Variants in WDR1 observed in about 807,000 individuals in gnomAD.
The protein encoded by WDR1 is WD repeat-containing protein 1.
WDR1 carries 21 observed loss-of-function variants against 71.9 expected under a neutral mutation model. The ratio of observed to expected loss-of-function variants is 0.29; its 90% CI spans 0.21 to 0.42. The LOEUF is 0.42. Ranked by LOEUF, WDR1 falls within the 10% of genes least tolerant of loss-of-function variation. The pLI, the probability that WDR1 is intolerant of heterozygous loss-of-function variation, is 1.00. For missense variants in WDR1, 696 were observed against 824.5 expected, an observed-to-expected ratio of 0.84 and a Z score of 1.91; for synonymous variants, 424 against 347.4, an observed-to-expected ratio of 1.22 and a Z score of -2.45.
chr4:10,091,759 C>T (rs1659723256), intron 5 of WDR1: 1 of 152,324 alleles, frequency 6.6e-6, no homozygotes, highest in Admixed American at 6.5e-5. Flanking sequence ...TGGGGTCCAC[C>T]TCCTATCTGT....
chr4:10,116,323 C>T (rs1218766351), intron 1 of WDR1, 89 bp from the exon 2 acceptor site: 2 of 1,573,610 alleles, frequency 1.3e-6, no homozygotes, highest in South Asian at 2.3e-5. Flanking sequence ...CCGGTCTCGG[C>T]CGGTCACCTG....
At chr4:10,089,764 G>A (rs962748889) in intron 5 of WDR1, among the ~76,000 whole-genome samples, 2 of 152,224 alleles carry the variant, frequency 1.3e-5, no homozygotes, top group African/African-American at 4.8e-5. Flanking sequence ...AAGCTGCCCC[G>A]CGCTCTAAGT....
chr4:10,108,003 G>A (rs1221766750), intron 2 of WDR1, among the ~76,000 whole-genome samples: 1 of 152,162 alleles, frequency 6.6e-6, no homozygotes, highest in Non-Finnish European at 1.5e-5. Context: ...ATCCTGCCCA[G>A]GAATAGCTGG....
At chr4:10,086,450 C>T (rs1176522721) in intron 8 of WDR1, among the ~76,000 whole-genome samples, 1 of 152,204 alleles carries the variant, frequency 6.6e-6, no homozygotes, top group Non-Finnish European at 1.5e-5. Flanking sequence ...GTGACCTGGT[C>T]CGTAGGAGTC....
intron 5 of WDR1, among the ~76,000 whole-genome samples, chr4:10,091,045 C>A (rs994971490): frequency 5.9e-5 from 9 of 152,206 alleles, no homozygotes; most frequent in African/African-American, 2.2e-4. Flanking sequence ...CCTTTGCCTG[C>A]CCCCCGCACC....
chr4:10,098,481 A>G (rs1712491301), intron 4 of WDR1, among the ~76,000 whole-genome samples: 1 of 152,180 alleles, frequency 6.6e-6, no homozygotes, highest in African/African-American at 2.4e-5. Context: ...AATTAAAAAA[A>G]CCTGGGTTTC....
intron 4 of WDR1, 53 bp downstream of exon 4, chr4:10,098,939 G>T: frequency 6.2e-7 from 1 of 1,610,120 alleles, no homozygotes; most frequent in Non-Finnish European, 8.5e-7. Context: ...CATAGCACAT[G>T]GACGCATGAG....
intron 14 of WDR1, chr4:10,076,970 T>G: frequency 3.4e-6 from 1 of 294,442 alleles, no homozygotes. Flanking sequence ...GAGGCTCACA[T>G]TATACACTGG....
At chr4:10,116,369 G>A in intron 1 of WDR1, 135 bp from the exon 2 acceptor site, 1 of 1,332,898 alleles carries the variant, frequency 7.5e-7, no homozygotes, top group East Asian at 2.4e-5. Flanking sequence ...CACTTTCCAC[G>A]AGCGCCAGGA....
Position 10,103,964 on chromosome 4 carries a change from T to C in WDR1, c.161A>G (p.Tyr54Cys), listed in dbSNP as rs373722200. ...NIDNPALADI[Y>C]TEHAHQVVVA... Reference sequence around the variant, plus strand: ...CACCACCTGATGGGCGTGCTCTGTGTAGATGTCAGCAAGGGCTGGGTTCTG... The same window carrying C: ...CACCACCTGATGGGCGTGCTCTGTGCAGATGTCAGCAAGGGCTGGGTTCTG... Residue 54 changes from tyrosine (Y) to cysteine (C), a missense_variant, in exon 3 of 15, where the codon TAC becomes TGC. By Grantham distance (194) the Tyr-to-Cys change is radical. Transcript: ENST00000499869. The C allele has an allele frequency of 6.2e-7, 1 of 1,602,024 alleles. No individual in the cohort carries two copies. Among genetic ancestry groups the C allele is most frequent in the African/African-American group, 1.3e-5 (1 of 74,678 alleles).
chr4:10,087,472 G>A (rs904040610), intron 8 of WDR1, among the ~76,000 whole-genome samples: 2 of 152,366 alleles, frequency 1.3e-5, no homozygotes, highest in Admixed American at 6.5e-5. Context: ...TGACTCTCCA[G>A]TTCTCACAGT....
chr4:10,087,559 C>T (rs1209979500), intron 8 of WDR1, 148 bp downstream of exon 8: 9 of 752,476 alleles, frequency 1.2e-5, no homozygotes, highest in East Asian at 2.8e-5. Flanking sequence ...GCATCCCAGC[C>T]TTCCACCAAA....
chr4:10,098,828 C>G (rs894621483), intron 4 of WDR1, among the ~76,000 whole-genome samples, 164 bp downstream of exon 4: 3 of 152,184 alleles, frequency 2.0e-5, no homozygotes, highest in Admixed American at 6.5e-5. Context: ...TCTACCTTAC[C>G]TGGGGCTGCA....
At chr4:10,093,118 G>C in intron 5 of WDR1, 2 of 1,289,426 alleles carry the variant, frequency 1.6e-6, no homozygotes, top group Non-Finnish European at 2.0e-6. Flanking sequence ...CAGAGCGACA[G>C]AGCGCTGCAG....
chr4:10,074,661 C>A lies in WDR1; in HGVS notation c.*717G>T, dbSNP rs1372381769. The A allele has an allele frequency of 6.6e-6, 1 of 152,574 alleles. No homozygotes were observed. Among genetic ancestry groups the A allele is most frequent in the African/African-American group, 2.4e-5 (1 of 41,430 alleles). The allele number at this position is 152,574 out of a possible 1,614,324, so 9.5% of individuals were successfully genotyped here. On this transcript the variant is annotated 3_prime_UTR_variant, in exon 15 of 15. Transcript: ENST00000499869. ...GAAACGGTGACCAGGACACCTCGGTCTGGCTAACAAGGGTTCTAAAAACTT... is the reference window on the plus strand; with the variant it reads ...GAAACGGTGACCAGGACACCTCGGTATGGCTAACAAGGGTTCTAAAAACTT...
At position 10,097,787 on chromosome 4, in the gene WDR1, C is replaced by A. The variant is rs371080262; in HGVS notation, c.482G>T (p.Arg161Leu). The change falls in exon 5 of 15, where the codon CGG becomes CTG. Residue 161 changes from arginine (R) to leucine (L), a missense_variant. Physicochemically the swap from Arg to Leu is moderately radical, Grantham distance 102 (BLOSUM62 -2). Transcript: ENST00000499869. ...GTTATCATCGCTTCCCGTGGCCAGC[C>A]GGTATGGCCGGCTCTGCTTGATGTC... The part of the protein sequence containing the change: ...SVDIKQSRPY[R>L]LATGSDDNCA... 6.2e-7 allele frequency: 1 copy of A among 1,613,778 alleles called. No individual in the cohort carries two copies. Among genetic ancestry groups the A allele is most frequent in the Non-Finnish European group, 8.5e-7 (1 of 1,179,824 alleles).
Position 10,099,157 on chromosome 4 carries a change from C to CGGGGGGG in WDR1, c.230-19_230-18insCCCCCCC. On this transcript the variant is annotated intron_variant, in intron 3 of 14. Transcript: ENST00000499869. ...AGACACATCTGTGGGGCACAGCGGGCGGGGGAGGGGGGGAGGCGGTGGTGG... is the reference window on the plus strand; with the variant it reads ...AGACACATCTGTGGGGCACAGCGGGCGGGGGGGGGGGGAGGGGGGGAGGCGGTGGTGG... 1 of 226,384 alleles carries CGGGGGGG rather than the reference C, an allele frequency of 4.4e-6. No homozygotes were observed. The highest frequency in any genetic ancestry group is 7.0e-5 in the Admixed American group (1 of 14,268). 14.0% of individuals were successfully genotyped at this position (226,384 alleles called of 1,614,324 possible). A position where few individuals can be genotyped will look rare whatever the true frequency, so the allele number is the denominator to read the frequency against.
chr4:10,107,381 T>G (rs1322476356), intron 2 of WDR1, among the ~76,000 whole-genome samples: 1 of 152,146 alleles, frequency 6.6e-6, no homozygotes, highest in East Asian at 1.9e-4. Flanking sequence ...CGATAACTGC[T>G]TTGGAATGCA....
At chr4:10,094,498 T>C (rs1238830281) in intron 5 of WDR1, among the ~76,000 whole-genome samples, 3 of 152,176 alleles carry the variant, frequency 2.0e-5, no homozygotes, top group African/African-American at 4.8e-5. Context: ...ATGGGTGAGA[T>C]GGGGGAAGGC....
Sources: allele counts gnomAD v4.1 joint callset (sites outside exome capture counted in the v4.1 genomes callset), GRCh38; gene constraint gnomAD v4.1.1; transcripts MANE v1.5; gene names NCBI Gene and HGNC (gene_info 2026-07-23, HGNC 2026-07-21).